The following KLHL32 variants were observed in gnomAD, a reference collection of about 807,000 sequenced individuals.
KLHL32 encodes kelch-like protein 32.
In KLHL32, 35 loss-of-function variants were observed where a neutral mutation model predicts 64.8. That is an observed-to-expected ratio of 0.54 (90% CI 0.41 to 0.72). The LOEUF (loss-of-function observed/expected upper bound fraction) is 0.72. Among genes scored for constraint, KLHL32 ranks in the 30% least tolerant of loss-of-function variants. The pLI is 0.00. For missense variants in KLHL32, 589 were observed against 768.5 expected (o/e 0.77, Z 2.76); for synonymous variants, 259 against 281.0 (o/e 0.92, Z 0.78).
At chr6:96,940,538 A>G (rs980181509) in intron 1 of KLHL32, among the ~76,000 whole-genome samples, 2 of 152,222 alleles carry the variant, frequency 1.3e-5, no homozygotes, top group African/African-American at 4.8e-5. Context: ...TAAAGCATGC[A>G]TGGTGACTCA....
intron 7 of KLHL32, among the ~76,000 whole-genome samples, chr6:97,119,406 A>C (rs1342371223): frequency 6.6e-6 from 1 of 152,184 alleles, no homozygotes; most frequent in African/African-American, 2.4e-5. Context: ...AGAGTGTGAC[A>C]AGAGAGATGG....
chr6:97,061,391 A>G lies in KLHL32; in HGVS notation c.313-3237A>G, dbSNP rs138925355. On this transcript the variant is annotated intron_variant, in intron 4 of 10. Coordinates refer to ENST00000369261, the MANE Select transcript of KLHL32 (RefSeq NM_052904.4). ...GATTCTGGACCACTTGGCTTTATGTATCTAGCATTTTCTTGATCTCTTGTT... is the reference window on the plus strand; with the variant it reads ...GATTCTGGACCACTTGGCTTTATGTGTCTAGCATTTTCTTGATCTCTTGTT... 3.4e-3 allele frequency among the ~76,000 whole-genome samples: 396 copies of G among 115,284 alleles called. 1 individual carries two copies. Among genetic ancestry groups the G allele is most frequent in the African/African-American group, 0.012 (363 of 29,968 alleles). The allele number at this position is 115,284 out of a possible 152,430, so 75.6% of individuals were successfully genotyped here.
intron 4 of KLHL32, among the ~76,000 whole-genome samples, chr6:97,061,646 G>T (rs574946635): frequency 6.6e-6 from 1 of 152,276 alleles, no homozygotes; most frequent in African/African-American, 2.4e-5. Flanking sequence ...GTATGTTTCT[G>T]AAATACCTAA....
In KLHL32 at chr6:97,132,665, C is replaced by G. The variant is rs1427201105; in HGVS notation, c.1619C>G (p.Ser540Cys). 2 of 1,608,662 alleles carry G rather than the reference C, an allele frequency of 1.2e-6. No homozygotes were observed. Among genetic ancestry groups the G allele is most frequent in the East Asian group, 2.2e-5 (1 of 44,760 alleles). Residue 540 changes from serine (S) to cysteine (C), a missense_variant, in exon 10 of 11, where the codon TCT becomes TGT. Coordinates refer to ENST00000369261, the MANE Select transcript of KLHL32 (RefSeq NM_052904.4). The part of the protein sequence containing the change: ...NFNLLTGQNE[S>C]GVAVHNGRIY... ...CTCTTTACTTTAGGCCAAAATGAAT[C>G]TGGAGTTGCTGTCCATAATGGGAGA...
chr6:97,082,888 T>G (rs946292418), intron 5 of KLHL32, among the ~76,000 whole-genome samples: 2 of 152,218 alleles, frequency 1.3e-5, no homozygotes, highest in African/African-American at 4.8e-5. Context: ...CTTGAATATT[T>G]AAAGAGAACA....
intron 2 of KLHL32, among the ~76,000 whole-genome samples, chr6:96,972,540 C>T (rs1357095691): frequency 6.6e-6 from 1 of 152,194 alleles, no homozygotes; most frequent in Non-Finnish European, 1.5e-5. Flanking sequence ...ACACTGTCTG[C>T]ACTCACTGAT....
Position 97,103,399 on chromosome 6 carries a change from G to C in KLHL32, c.628-10384G>C, listed in dbSNP as rs1049604597. 3.3e-5 allele frequency among the ~76,000 whole-genome samples: 5 copies of C among 152,018 alleles called. No individual in the cohort carries two copies. The East Asian group carries it at 5.8e-4, about 18-fold the overall frequency. On this transcript the variant is annotated intron_variant, in intron 6 of 10. Coordinates refer to ENST00000369261, the MANE Select transcript of KLHL32 (RefSeq NM_052904.4). ...TGGGTAATTTTTTGTATTTTTGGTA[G>C]AGATGGGGTTTCACCATGTTAGCCA... is the stretch of plus-strand genomic sequence containing the variant.
Position 97,139,229 on chromosome 6 carries a change from T to C in KLHL32, c.1810T>C (p.Cys604Arg), listed in dbSNP as rs371962822. ...ACFLPAPYFT[C>R]PNLQTLQVPH... ...CTTCCTTCCAGCTCCATATTTTACA[T>C]GCCCTAACCTTCAAACTCTTCAAGT... is the stretch of plus-strand genomic sequence containing the variant. Residue 604 changes from cysteine to arginine, a missense_variant, in exon 11 of 11, where the codon TGC becomes CGC. Cys to Arg is a radical substitution (Grantham distance 180, BLOSUM62 -3). This residue lies in a region of KLHL32 where 172 missense variants were observed against 192.0 expected (regional missense o/e 0.90). Transcript: ENST00000369261. 3 of 1,614,068 alleles carry C rather than the reference T, an allele frequency of 1.9e-6. No individual in the cohort carries two copies. Among genetic ancestry groups the C allele is most frequent in the Non-Finnish European group, 2.5e-6 (3 of 1,179,952 alleles).
chr6:97,008,678 TG>T (rs1258031991), intron 3 of KLHL32, among the ~76,000 whole-genome samples: 4 of 152,072 alleles, frequency 2.6e-5, no homozygotes, highest in African/African-American at 4.8e-5. Flanking sequence ...ATACCTTGGC[TG>T]TTCATCTCAC....
At chr6:97,089,634 C>T (rs945047194) in intron 6 of KLHL32, among the ~76,000 whole-genome samples, 2 of 152,020 alleles carry the variant, frequency 1.3e-5, no homozygotes, top group Non-Finnish European at 2.9e-5. Flanking sequence ...CAAAAATTAG[C>T]CAGGTGTGGT....
At chr6:97,126,953 G>C (rs1207136625) in intron 7 of KLHL32, among the ~76,000 whole-genome samples, 2 of 152,102 alleles carry the variant, frequency 1.3e-5, no homozygotes, top group Non-Finnish European at 2.9e-5. Flanking sequence ...TTTTTGATAA[G>C]TAATATCAAG....
At chr6:96,973,729 C>CTTTTTTTTTTTTTTTTT (rs1562204671) in intron 2 of KLHL32, among the ~76,000 whole-genome samples, 2 of 49,714 alleles carry the variant, frequency 4.0e-5, no homozygotes, top group East Asian at 4.0e-4. Flanking sequence ...TTACAGATTG[C>CTTTTTTTTTTTTTTTTT]CTTTTTTTTT....
intron 6 of KLHL32, among the ~76,000 whole-genome samples, chr6:97,104,851 A>C (rs1470529063): frequency 6.6e-6 from 1 of 152,182 alleles, no homozygotes; most frequent in African/African-American, 2.4e-5. Flanking sequence ...TTTCGATTTT[A>C]TGGGAAAGTT....
intron 6 of KLHL32, among the ~76,000 whole-genome samples, chr6:97,104,189 T>A (rs977937450): frequency 6.6e-6 from 1 of 152,224 alleles, no homozygotes; most frequent in Non-Finnish European, 1.5e-5. Flanking sequence ...TTTGTTATTG[T>A]TATAAGATTG....
At chr6:97,128,638 T>C (rs1799118014) in intron 8 of KLHL32, among the ~76,000 whole-genome samples, 1 of 152,232 alleles carries the variant, frequency 6.6e-6, no homozygotes, top group Admixed American at 6.5e-5. Context: ...CGATAATGCC[T>C]GCCATCTGCC....
chr6:97,095,874 A>G (rs1794916122), intron 6 of KLHL32, among the ~76,000 whole-genome samples: 1 of 152,216 alleles, frequency 6.6e-6, no homozygotes, highest in Admixed American at 6.5e-5. Flanking sequence ...CTGAAAAACA[A>G]AACAAAAACT....
intron 4 of KLHL32, among the ~76,000 whole-genome samples, chr6:97,051,052 T>G (rs1766451): frequency 0.18 from 27,593 of 152,100 alleles, 3,041 homozygotes; most frequent in African/African-American, 0.32. Context: ...AACAATATTC[T>G]TACAGCATTT....
chr6:96,903,654 C>A, the KLHL32 span, among the ~76,000 whole-genome samples: 1 of 152,144 alleles, frequency 6.6e-6, no homozygotes, highest in African/African-American at 2.4e-5. Context: ...TTGCCAATGA[C>A]CAAGTAAGCC....
intron 4 of KLHL32, among the ~76,000 whole-genome samples, chr6:97,044,632 C>T (rs1272900912): frequency 6.6e-6 from 1 of 151,908 alleles, no homozygotes; most frequent in Non-Finnish European, 1.5e-5. Flanking sequence ...CTATAAGGTC[C>T]TAGATTTTTC....
Sources: gnomAD v4.1 joint callset for allele counts (sites outside exome capture counted in the v4.1 genomes callset) on GRCh38, gnomAD v4.1.1 for gene constraint, gnomAD v4.1.1 regional missense constraint, MANE v1.5 for transcripts, NCBI Gene and HGNC (gene_info 2026-07-23, HGNC 2026-07-21) for gene names.